PCDHA7: variants seen among roughly 807,000 people sequenced by gnomAD.
PCDHA7 encodes the protein protocadherin alpha 7.
PCDHA7 carries 37 observed loss-of-function variants against 57.2 expected under a neutral mutation model. The ratio of observed to expected loss-of-function variants is 0.65; its 90% CI spans 0.50 to 0.85. The LOEUF is 0.85. Among genes scored for constraint, PCDHA7 ranks in the 40% least tolerant of loss-of-function variants. The pLI, the probability that PCDHA7 is intolerant of heterozygous loss-of-function variation, is 0.00. For missense variants in PCDHA7, 1,188 were observed against 1,241.8 expected (o/e 0.96, Z 0.65); for synonymous variants, 553 against 558.8 (o/e 0.99, Z 0.15).
chr5:140,886,844 A>AAG (rs2061185449), intron 1 of PCDHA7, among the ~76,000 whole-genome samples: 1 of 150,634 alleles, frequency 6.6e-6, no homozygotes, highest in Non-Finnish European at 1.5e-5. Flanking sequence ...AAAAAAAAAA[A>AAG]AAAGAAAGGT....
chr5:140,907,697 C>T (rs1425951971), intron 1 of PCDHA7, among the ~76,000 whole-genome samples: 2 of 152,202 alleles, frequency 1.3e-5, no homozygotes, highest in African/African-American at 2.4e-5. Context: ...GTGGAAGTCC[C>T]TGTTGCTGAG....
At chr5:140,860,434 C>A (rs1562553401) in intron 1 of PCDHA7, 1 of 152,038 alleles carries the variant, frequency 6.6e-6, no homozygotes, top group Non-Finnish European at 1.5e-5. Context: ...CAAATATGAT[C>A]TTTTTCATAT....
At chr5:140,914,782 G>T (rs563426406) in intron 1 of PCDHA7, among the ~76,000 whole-genome samples, 3 of 151,862 alleles carry the variant, frequency 2.0e-5, no homozygotes, top group Non-Finnish European at 4.4e-5. Context: ...CTTATCTTAT[G>T]ACCCATTATT....
rs74520967 is a variant in PCDHA7 at position 140,931,074 on chromosome 5, G to A, written c.2356-47875G>A. Among the ~76,000 whole-genome samples, 869 of 152,264 alleles carry A rather than the reference G, an allele frequency of 5.7e-3. 7 individuals are homozygous for A. The highest frequency in any genetic ancestry group is 0.018 in the African/African-American group (768 of 41,552). ...ATGCTGTGTCTGGGACTAAGTATGAGTCCAGTTCTACAGATGACAAAGGAA... is the reference window on the plus strand; with the variant it reads ...ATGCTGTGTCTGGGACTAAGTATGAATCCAGTTCTACAGATGACAAAGGAA... On this transcript the variant is annotated intron_variant, in intron 1 of 3. Coordinates refer to ENST00000525929, the MANE Select transcript of PCDHA7 (RefSeq NM_018910.3).
intron 1 of PCDHA7, among the ~76,000 whole-genome samples, chr5:140,909,441 C>T (rs971678951): frequency 6.6e-6 from 1 of 152,214 alleles, no homozygotes; most frequent in Non-Finnish European, 1.5e-5. Context: ...AATCCACTGT[C>T]ATTCTCCAAG....
At chr5:140,871,097 T>A in intron 1 of PCDHA7, 1 of 1,613,266 alleles carries the variant, frequency 6.2e-7, no homozygotes, top group Admixed American at 1.7e-5. Flanking sequence ...GCCACCGTGC[T>A]GGTGTCGTTG....
chr5:140,881,494 A>G (rs1483226847), intron 1 of PCDHA7: 1 of 293,548 alleles, frequency 3.4e-6, no homozygotes, highest in African/African-American at 2.3e-5. Flanking sequence ...GTTTATGCAC[A>G]TACACACACT....
intron 1 of PCDHA7, chr5:140,882,695 G>T: frequency 6.2e-7 from 1 of 1,614,192 alleles, no homozygotes; most frequent in Non-Finnish European, 8.5e-7. Flanking sequence ...AATAATCATT[G>T]CAGAATCTAG....
intron 3 of PCDHA7, among the ~76,000 whole-genome samples, chr5:140,995,267 C>A (rs552857413): frequency 6.6e-6 from 1 of 152,074 alleles, no homozygotes; most frequent in Admixed American, 6.5e-5. Context: ...GAATACAAGC[C>A]CTTTGATACC....
At position 140,877,266 on chromosome 5, in the gene PCDHA7, C is replaced by A. The variant is rs2056980298; in HGVS notation, c.2355+40528C>A. The A allele has an allele frequency of 4.3e-6, 7 of 1,613,808 alleles. No individual in the cohort carries two copies. The South Asian group carries it at 5.5e-5, about 13-fold the overall frequency. ...TGGTGGCGAAAGTGCGCGCGGTGGA[C>A]GCTGACTCCGGCTATAACGCTTGGC... On this transcript the variant is annotated intron_variant, in intron 1 of 3. Transcript: ENST00000525929.
Position 140,858,255 on chromosome 5 carries a change from C to T in PCDHA7, c.2355+21517C>T, listed in dbSNP as rs782505724. On this transcript the variant is annotated intron_variant, in intron 1 of 3. Coordinates refer to ENST00000525929, the MANE Select transcript of PCDHA7 (RefSeq NM_018910.3). ...GGCGCATGTGGGCCGGTGAAGCCCA[C>T]GCTGGTGTGCTCTAGCGCGGTGGGG... The T allele has an allele frequency of 1.9e-6, 3 of 1,596,960 alleles. No individual in the cohort carries two copies. In the South Asian group the frequency reaches 3.3e-5, roughly 18 times the overall value.
In PCDHA7 at chr5:140,841,946, C is replaced by T. The variant is rs2150326253; in HGVS notation, c.2355+5208C>T. 2.0e-5 allele frequency: 32 copies of T among 1,613,790 alleles called. No homozygotes were observed. The Admixed American group carries it at 5.3e-4, about 27-fold the overall frequency. Reference sequence around the variant, plus strand: ...GGACAGAGAGGACGCTCCTGCGCACCACTTATTCCTGACAGCCACAGATGG... The same window carrying T: ...GGACAGAGAGGACGCTCCTGCGCACTACTTATTCCTGACAGCCACAGATGG... On this transcript the variant is annotated intron_variant, in intron 1 of 3. Transcript: ENST00000525929.
At chr5:141,004,186 C>T (rs1554259505) in intron 3 of PCDHA7, among the ~76,000 whole-genome samples, 1 of 152,240 alleles carries the variant, frequency 6.6e-6, no homozygotes, top group Non-Finnish European at 1.5e-5. Flanking sequence ...CTTGAGTGCT[C>T]TTAACCAAAA....
At chr5:140,891,201 T>C (rs1301476369) in intron 1 of PCDHA7, among the ~76,000 whole-genome samples, 3 of 152,214 alleles carry the variant, frequency 2.0e-5, no homozygotes, top group Non-Finnish European at 4.4e-5. Context: ...TTTGCAGTTT[T>C]ACCATGCTGT....
intron 3 of PCDHA7, among the ~76,000 whole-genome samples, chr5:140,997,511 G>T (rs565737825): frequency 6.6e-6 from 1 of 151,992 alleles, no homozygotes; most frequent in Non-Finnish European, 1.5e-5. Flanking sequence ...ATACCTAAAC[G>T]CAGAAAAAGT....
At position 140,950,404 on chromosome 5, in the gene PCDHA7, T is replaced by C. The variant is rs947428237; in HGVS notation, c.2356-28545T>C. ...TTGAATGATATAGAATTCTGGGGGATTGACAGATTTTATTTTCTTCCACTT... is the reference window on the plus strand; with the variant it reads ...TTGAATGATATAGAATTCTGGGGGACTGACAGATTTTATTTTCTTCCACTT... On this transcript the variant is annotated intron_variant, in intron 1 of 3. Coordinates refer to ENST00000525929, the MANE Select transcript of PCDHA7 (RefSeq NM_018910.3). 2.0e-5 allele frequency among the ~76,000 whole-genome samples: 3 copies of C among 152,044 alleles called. 1 individual carries two copies. Among genetic ancestry groups the C allele is most frequent in the East Asian group, 1.9e-4 (1 of 5,204 alleles).
rs79831933 is a variant in PCDHA7, at chr5:140,933,507, A to G, written c.2356-45442A>G. ...TATTCTTTAGAATTGTTAAGCAAAG[A>G]CTACAGCTGTTTTGTTTAAACTCAA... On this transcript the variant is annotated intron_variant, in intron 1 of 3. Transcript: ENST00000525929. 5.9e-3 allele frequency among the ~76,000 whole-genome samples: 898 copies of G among 152,170 alleles called. 13 individuals carry two copies. Among genetic ancestry groups the G allele is most frequent in the African/African-American group, 0.02 (841 of 41,572 alleles).
At chr5:140,871,360 AG>A in intron 1 of PCDHA7, 1 of 1,614,180 alleles carries the variant, frequency 6.2e-7, no homozygotes, top group East Asian at 2.2e-5. Context: ...CTCGCAGCAG[AG>A]GCGGCAGAGG....
At chr5:140,883,388 G>T (rs2059587175) in intron 1 of PCDHA7, 2 of 1,614,164 alleles carry the variant, frequency 1.2e-6, no homozygotes, top group Non-Finnish European at 1.7e-6. Context: ...CCTAATCAGT[G>T]TGTCCGATCG....
Sources: allele counts gnomAD v4.1 joint callset (sites outside exome capture counted in the v4.1 genomes callset), GRCh38; gene constraint gnomAD v4.1.1; transcripts MANE v1.5; gene names NCBI Gene and HGNC (gene_info 2026-07-23, HGNC 2026-07-21).